SYNJ2: variants seen among roughly 807,000 people sequenced by gnomAD.
SYNJ2 encodes the protein polyphosphatidylinositol phosphatase SYNJ2.
Under a neutral mutation model 141.3 loss-of-function variants are expected in SYNJ2, and 116 were observed. The observed-to-expected ratio is 0.82, with a 90% CI of 0.71 to 0.96. The LOEUF (loss-of-function observed/expected upper bound fraction) is 0.96. Ranked by LOEUF, SYNJ2 falls within the 40% of genes least tolerant of loss-of-function variation. SYNJ2 has a pLI of 0.00. For synonymous variants in SYNJ2, 745 were observed against 777.7 expected (o/e 0.96, Z 0.70); for missense variants, 1,873 against 1,934.8 (o/e 0.97, Z 0.60).
chr6:157,995,926 G>A (rs1583290166), intron 1 of SYNJ2, among the ~76,000 whole-genome samples: 1 of 152,190 alleles, frequency 6.6e-6, no homozygotes, highest in African/African-American at 2.4e-5. Flanking sequence ...AAAGAAGAAA[G>A]CTATAGAACT....
Position 157,982,097 on chromosome 6 carries a change from G to C in SYNJ2, c.127+9G>C. 7.6e-7 allele frequency: 1 copy of C among 1,319,146 alleles called. No homozygotes were observed. Among genetic ancestry groups the C allele is most frequent in the Non-Finnish European group, 9.7e-7 (1 of 1,035,724 alleles). 81.7% of individuals were successfully genotyped at this position (1,319,146 alleles called of 1,614,324 possible). On this transcript the variant is annotated intron_variant, in intron 1 of 26. Transcript: ENST00000355585. The surrounding 1 kb of genome is among the most constrained non-coding windows in gnomAD (Gnocchi z 4.0). ...CACGGTGGCCACGCTGGGTGAGTCCGGGCCGGGGGCAGCGACGCCCGGAGG... is the reference window on the plus strand; with the variant it reads ...CACGGTGGCCACGCTGGGTGAGTCCCGGCCGGGGGCAGCGACGCCCGGAGG...
chr6:158,004,987 C>T (rs1778000890), intron 1 of SYNJ2, among the ~76,000 whole-genome samples: 2 of 152,104 alleles, frequency 1.3e-5, no homozygotes. Flanking sequence ...ATGCCACGCC[C>T]CTGACCCCTC....
In SYNJ2 at chr6:158,062,164, G is replaced by T. The variant is rs772199451; in HGVS notation, c.1127G>T (p.Arg376Leu). The change falls in exon 8 of 27, where the codon CGT (arginine) becomes CTT (leucine). Residue 376 changes from arginine to leucine, a missense_variant and splice_region_variant. Physicochemically the swap from Arg to Leu is moderately radical, Grantham distance 102 (BLOSUM62 -2). Transcript: ENST00000355585. ...VFTKGENVSPRFQKGTLRMNC... is the reference protein window; with the variant it reads ...VFTKGENVSPLFQKGTLRMNC... Reference sequence around the variant, plus strand: ...ACAAAGGGGGAGAACGTCAGTCCACGGTGAGGCTCGCTGCGCACTGTGCCG... The same window carrying T: ...ACAAAGGGGGAGAACGTCAGTCCACTGTGAGGCTCGCTGCGCACTGTGCCG... 1 of 1,612,720 alleles carries T rather than the reference G, an allele frequency of 6.2e-7. No individual in the cohort carries two copies. The highest frequency in any genetic ancestry group is 2.2e-5 in the East Asian group (1 of 44,838).
rs1017006312 is a variant in SYNJ2 at position 157,982,362 on chromosome 6, G to A, written c.127+274G>A. Among the ~76,000 whole-genome samples the A allele has an allele frequency of 6.6e-6, 1 of 152,098 alleles. No individual in the cohort carries two copies. Among genetic ancestry groups the A allele is most frequent in the African/African-American group, 2.4e-5 (1 of 41,416 alleles). On this transcript the variant is annotated intron_variant, in intron 1 of 26. Coordinates refer to ENST00000355585, the MANE Select transcript of SYNJ2 (RefSeq NM_003898.4). The surrounding 1 kb of genome is among the most constrained non-coding windows in gnomAD (Gnocchi z 4.0). ...CAGAGGATATGGTTGCTGGATAGCC[G>A]GCTGGGGCGCTTTGCGTATTCATGA... is the stretch of plus-strand genomic sequence containing the variant.
intron 2 of SYNJ2, among the ~76,000 whole-genome samples, chr6:158,018,126 C>T (rs903746905): frequency 1.3e-5 from 2 of 152,034 alleles, no homozygotes; most frequent in Non-Finnish European, 2.9e-5. Flanking sequence ...ATCTGACTTG[C>T]GAAGGGAGAG....
intron 3 of SYNJ2, among the ~76,000 whole-genome samples, chr6:158,031,983 G>A (rs1408617390): frequency 1.3e-5 from 2 of 152,208 alleles, no homozygotes; most frequent in African/African-American, 4.8e-5. Context: ...TCATATATGT[G>A]TTTCGGAAGC....
At chr6:158,008,298 T>G (rs1350972445) in intron 1 of SYNJ2, among the ~76,000 whole-genome samples, 2 of 152,240 alleles carry the variant, frequency 1.3e-5, no homozygotes, top group African/African-American at 2.4e-5. Flanking sequence ...AAAAGAGCTC[T>G]TATCTTTTCC....
rs1051710477 is a variant in SYNJ2 at position 158,016,953 on chromosome 6, C to A, written c.128-251C>A. ...GCTGGACGCCAGAACCCCAGGACCC[C>A]AGCTCCTCCAGCCCCCAGGAAGCTG... On this transcript the variant is annotated intron_variant, in intron 1 of 26. Transcript: ENST00000355585. 4.2e-6 allele frequency: 5 copies of A among 1,186,484 alleles called. No individual in the cohort carries two copies. In the African/African-American group the frequency reaches 7.9e-5, roughly 19 times the overall value. The allele number at this position is 1,186,484 out of a possible 1,614,324, so 73.5% of individuals were successfully genotyped here.
At chr6:157,998,948 A>G (rs1012213577) in intron 1 of SYNJ2, among the ~76,000 whole-genome samples, 4 of 152,212 alleles carry the variant, frequency 2.6e-5, no homozygotes, top group African/African-American at 9.6e-5. Flanking sequence ...CTACATAAAA[A>G]TGGAAAACTC....
At chr6:158,064,139 C>T (rs982880695) in intron 9 of SYNJ2, among the ~76,000 whole-genome samples, 7 of 152,158 alleles carry the variant, frequency 4.6e-5, no homozygotes, top group Admixed American at 2.0e-4. Context: ...TCGGGAACAG[C>T]GGTTGTGTGT....
intron 6 of SYNJ2, among the ~76,000 whole-genome samples, chr6:158,057,226 G>A (rs745829448): frequency 1.3e-5 from 2 of 152,116 alleles, no homozygotes; most frequent in African/African-American, 2.4e-5. Context: ...CGTAGGCAGG[G>A]GAAGTGAAAA....
intron 18 of SYNJ2, among the ~76,000 whole-genome samples, chr6:158,080,038 A>T (rs1583485533): frequency 6.6e-6 from 1 of 152,200 alleles, no homozygotes; most frequent in East Asian, 1.9e-4. Flanking sequence ...TAGAGTAATA[A>T]CCATCCCTGT....
rs139326629 is a variant in SYNJ2 at position 158,017,235 on chromosome 6, G to C, written c.159G>C (p.Gln53His). The change falls in exon 2 of 27, where the codon CAG (glutamine) becomes CAC (histidine). Residue 53 changes from glutamine to histidine, a missense_variant. Gln to His is a conservative substitution (Grantham distance 24). Transcript: ENST00000355585. The part of the protein sequence containing the change: ...APEEKEVIKG[Q>H]YGKLTDAYGC... ...AAGAAAAGGAAGTCATTAAAGGACA[G>C]TATGGCAAGCTCACGGACGCGTACG... is the stretch of plus-strand genomic sequence containing the variant. The C allele has an allele frequency of 7.1e-5, 115 of 1,613,248 alleles. No individual in the cohort carries two copies. In the Middle Eastern group the frequency reaches 8.2e-4, roughly 12 times the overall value.
chr6:158,054,942 C>T, intron 5 of SYNJ2, 25 bp from the exon 6 acceptor site: 1 of 1,612,524 alleles, frequency 6.2e-7, no homozygotes, highest in Admixed American at 1.7e-5. Context: ...GGAAGAATCA[C>T]TGTTGTTACT....
At chr6:158,025,231 T>C (rs146650477) in intron 2 of SYNJ2, among the ~76,000 whole-genome samples, 1 of 152,228 alleles carries the variant, frequency 6.6e-6, no homozygotes, top group African/African-American at 2.4e-5. Context: ...ACAAACCCCA[T>C]TCATGAGGGC....
At position 158,096,239 on chromosome 6, in the gene SYNJ2, G is replaced by A. The variant is rs763080057; in HGVS notation, c.4366G>A (p.Ala1456Thr). 30 of 1,614,232 alleles carry A rather than the reference G, an allele frequency of 1.9e-5. No individual in the cohort carries two copies. The highest frequency in any genetic ancestry group is 1.6e-4 in the East Asian group (7 of 44,886). ...RDPIDPVSAG[A>T]SAAKAELPPD... is the part of the protein sequence containing the mutation. Reference sequence around the variant, plus strand: ...TCCCATAGACCCAGTGTCAGCTGGCGCTTCAGCTGCCAAGGCAGAGCTGCC... The same window carrying A: ...TCCCATAGACCCAGTGTCAGCTGGCACTTCAGCTGCCAAGGCAGAGCTGCC... Residue 1456 changes from alanine (A) to threonine (T), a missense_variant, in exon 27 of 27, where the codon GCT becomes ACT. Coordinates refer to ENST00000355585, the MANE Select transcript of SYNJ2 (RefSeq NM_003898.4).
chr6:158,022,084 G>C (rs6910660), intron 2 of SYNJ2, among the ~76,000 whole-genome samples: 5,717 of 152,326 alleles, frequency 0.038, 159 homozygotes, highest in Middle Eastern at 0.14. Flanking sequence ...TGCCGCATGG[G>C]CACACAGTGC....
At position 158,070,548 on chromosome 6, in the gene SYNJ2, G is replaced by A. The variant is rs1442758356; in HGVS notation, c.1940+875G>A. 3.1e-6 allele frequency: 3 copies of A among 979,168 alleles called. No homozygotes were observed. The highest frequency in any genetic ancestry group is 6.2e-5 in the Admixed American group (1 of 16,240). The allele number at this position is 979,168 out of a possible 1,614,324, so 60.7% of individuals were successfully genotyped here. On this transcript the variant is annotated intron_variant, in intron 14 of 26. Coordinates refer to ENST00000355585, the MANE Select transcript of SYNJ2 (RefSeq NM_003898.4). This position sits in a 1 kb window ranked among gnomAD's most constrained non-coding sequence, Gnocchi z 4.0. The stretch of plus-strand genomic sequence containing the variant: ...GGCAAGGGCGGGGTGAGGGTGAGAG[G>A]TAAAGCATTTGAGAAAGGGCTCAGA...
chr6:158,069,600 C>A lies in SYNJ2; in HGVS notation c.1867C>A (p.Leu623Met). ...CATCTCACGCTCTCATAGATACATT[C>A]TGTTGACTTCGGCACAGCTGGTGGG... ...KAISRSHRYI[L>M]LTSAQLVGVC... The change falls in exon 14 of 27, where the codon CTG becomes ATG. Residue 623 changes from leucine (L) to methionine (M), a missense_variant. Transcript: ENST00000355585. 1.9e-6 allele frequency: 3 copies of A among 1,614,104 alleles called. No homozygotes were observed. The highest frequency in any genetic ancestry group is 2.5e-6 in the Non-Finnish European group (3 of 1,179,958).
Sources: allele counts gnomAD v4.1 joint callset (sites outside exome capture counted in the v4.1 genomes callset), GRCh38; gene constraint gnomAD v4.1.1; non-coding constraint Gnocchi (gnomAD v3.1); transcripts MANE v1.5; gene names NCBI Gene and HGNC (gene_info 2026-07-23, HGNC 2026-07-21).